The following ADGRG7 variants were observed in gnomAD, a reference collection of about 807,000 sequenced individuals.
ADGRG7 encodes the protein G-protein coupled receptor 128.
ADGRG7 carries 82 observed loss-of-function variants against 88.6 expected under a neutral mutation model. The ratio of observed to expected loss-of-function variants is 0.93; its 90% CI spans 0.77 to 1.11. The LOEUF (loss-of-function observed/expected upper bound fraction) is 1.11. Ranked by LOEUF, ADGRG7 falls within the 50% of genes most tolerant of loss-of-function variation. The pLI is 0.00. For synonymous variants in ADGRG7, 381 were observed against 345.2 expected (o/e 1.10, Z -1.15); for missense variants, 945 against 953.4 (o/e 0.99, Z 0.12).
At chr3:100,667,757 C>G (rs1456423363) in intron 14 of ADGRG7, among the ~76,000 whole-genome samples, 1 of 152,044 alleles carries the variant, frequency 6.6e-6, no homozygotes, top group Non-Finnish European at 1.5e-5. Flanking sequence ...ACCACACTAT[C>G]TTTCACAATG....
intron 13 of ADGRG7, among the ~76,000 whole-genome samples, chr3:100,659,308 C>T (rs553358453): frequency 3.3e-5 from 5 of 151,190 alleles, no homozygotes; most frequent in Admixed American, 6.6e-5. Context: ...GGCGTGGTGG[C>T]GGGTGCCTGT....
At chr3:100,630,997 A>C (rs113490109) in intron 3 of ADGRG7, among the ~76,000 whole-genome samples, 188 bp downstream of exon 3, 58 of 152,246 alleles carry the variant, frequency 3.8e-4, no homozygotes, top group African/African-American at 1.4e-3. Flanking sequence ...TAAATTTCCC[A>C]ACAGTTTCAT....
chr3:100,645,583 G>T (rs1170129659), intron 8 of ADGRG7, among the ~76,000 whole-genome samples: 2 of 152,108 alleles, frequency 1.3e-5, no homozygotes. Context: ...ACATGGGCTG[G>T]AGCTACCCAC....
chr3:100,627,479 AT>A (rs1231511228), intron 1 of ADGRG7, among the ~76,000 whole-genome samples: 2 of 152,098 alleles, frequency 1.3e-5, no homozygotes, highest in Non-Finnish European at 2.9e-5. Context: ...TTTTTAAAGG[AT>A]TTTTTTGGCA....
Position 100,670,811 on chromosome 3 carries a change from G to C in ADGRG7, c.2136+1706G>C, listed in dbSNP as rs140321167. Among the ~76,000 whole-genome samples the C allele has an allele frequency of 1.1e-4, 16 of 152,264 alleles. 1 individual carries two copies. Among genetic ancestry groups the C allele is most frequent in the African/African-American group, 3.6e-4 (15 of 41,542 alleles). ...CCACTTACGAGTGAGAACATGTGGT[G>C]TTTGGTTTTCTGTCCTTGTGTTAGT... On this transcript the variant is annotated intron_variant, in intron 15 of 15. Coordinates refer to ENST00000273352, the MANE Select transcript of ADGRG7 (RefSeq NM_032787.3).
intron 15 of ADGRG7, among the ~76,000 whole-genome samples, chr3:100,692,134 T>C (rs2094994940): frequency 6.6e-6 from 1 of 152,208 alleles, no homozygotes; most frequent in Non-Finnish European, 1.5e-5. Flanking sequence ...GGGCATTTGA[T>C]CAGACTATAT....
intron 14 of ADGRG7, among the ~76,000 whole-genome samples, chr3:100,662,353 C>T (rs1200355459): frequency 6.6e-6 from 1 of 152,152 alleles, no homozygotes; most frequent in Non-Finnish European, 1.5e-5. Context: ...AAAAATTTAG[C>T]AACACGCTCT....
chr3:100,636,020 T>G (rs1277164788), intron 5 of ADGRG7, among the ~76,000 whole-genome samples, 194 bp downstream of exon 5: 4 of 152,208 alleles, frequency 2.6e-5, no homozygotes, highest in African/African-American at 9.7e-5. Context: ...CTTGTCCAAA[T>G]ATTTTATTTT....
intron 15 of ADGRG7, among the ~76,000 whole-genome samples, chr3:100,676,707 T>C (rs2094965769): frequency 6.6e-6 from 1 of 152,078 alleles, no homozygotes; most frequent in South Asian, 2.1e-4. Flanking sequence ...TGTTGAAATC[T>C]CTAGCTATTG....
At chr3:100,671,606 T>C (rs148370273) in intron 15 of ADGRG7, among the ~76,000 whole-genome samples, 4,048 of 152,278 alleles carry the variant, frequency 0.027, 167 homozygotes, top group African/African-American at 0.092. Flanking sequence ...TTGCTTTTGG[T>C]GTTTTAGTCA....
chr3:100,672,597 A>C (rs544362847), intron 15 of ADGRG7, among the ~76,000 whole-genome samples: 2 of 152,168 alleles, frequency 1.3e-5, no homozygotes, highest in South Asian at 4.1e-4. Flanking sequence ...ATTATGTTGA[A>C]TAGGAGTGGT....
intron 15 of ADGRG7, among the ~76,000 whole-genome samples, chr3:100,669,319 T>C (rs889372205): frequency 2.1e-4 from 32 of 151,876 alleles, no homozygotes; most frequent in African/African-American, 7.7e-4. Flanking sequence ...ACCCCATCTC[T>C]ACTAAAAAAA....
At chr3:100,614,329 T>C (rs572267913) in intron 1 of ADGRG7, among the ~76,000 whole-genome samples, 1 of 152,350 alleles carries the variant, frequency 6.6e-6, no homozygotes, top group South Asian at 2.1e-4. Context: ...TTTCAATACT[T>C]ATGCTACACT....
chr3:100,688,649 A>T lies in ADGRG7; in HGVS notation c.2137-6095A>T, dbSNP rs139403241. Among the ~76,000 whole-genome samples the T allele has an allele frequency of 2.9e-3, 442 of 152,306 alleles. 3 individuals are homozygous for T. Among genetic ancestry groups the T allele is most frequent in the Non-Finnish European group, 4.5e-3 (309 of 68,022 alleles). ...TTCATTATGTACCCAGTATTCATTC[A>T]GGAACGGGTTGTTCAGTTTCCATGT... On this transcript the variant is annotated intron_variant, in intron 15 of 15. Coordinates refer to ENST00000273352, the MANE Select transcript of ADGRG7 (RefSeq NM_032787.3).
chr3:100,671,053 T>G (rs75530106), intron 15 of ADGRG7, among the ~76,000 whole-genome samples: 14 of 152,328 alleles, frequency 9.2e-5, no homozygotes, highest in Admixed American at 2.6e-4. Context: ...TTATAATCCT[T>G]TGGGTATATA....
chr3:100,678,469 A>G (rs959153406), intron 15 of ADGRG7, among the ~76,000 whole-genome samples: 9 of 152,062 alleles, frequency 5.9e-5, no homozygotes, highest in Non-Finnish European at 1.2e-4. Context: ...TGGCGAGGCC[A>G]TATTTTTCTG....
chr3:100,669,236 C>T, intron 15 of ADGRG7, 131 bp downstream of exon 15: 1 of 559,236 alleles, frequency 1.8e-6, no homozygotes, highest in Non-Finnish European at 2.8e-6. Context: ...CCTGTAATGC[C>T]AGCACTTTGG....
At chr3:100,640,057 C>T (rs1407822075) in intron 6 of ADGRG7, among the ~76,000 whole-genome samples, 1 of 152,164 alleles carries the variant, frequency 6.6e-6, no homozygotes, top group Non-Finnish European at 1.5e-5. Flanking sequence ...TCAGATCCTT[C>T]CTTCATTCAC....
intron 1 of ADGRG7, among the ~76,000 whole-genome samples, chr3:100,622,813 G>A (rs1438378731): frequency 6.6e-6 from 1 of 151,812 alleles, no homozygotes; most frequent in African/African-American, 2.4e-5. Context: ...CCAGGCTGGA[G>A]TGCAGTGGCA....
Sources: allele counts gnomAD v4.1 joint callset (sites outside exome capture counted in the v4.1 genomes callset), GRCh38; gene constraint gnomAD v4.1.1; transcripts MANE v1.5; gene names NCBI Gene and HGNC (gene_info 2026-07-23, HGNC 2026-07-21).